EVC2: variants seen among roughly 807,000 people sequenced by gnomAD.
EVC2 encodes EvC ciliary complex subunit 2, also known as limbin.
Under a neutral mutation model 149.3 loss-of-function variants are expected in EVC2, and 148 were observed. The ratio of observed to expected loss-of-function variants is 0.99; its 90% CI spans 0.87 to 1.14. The LOEUF is 1.14. Among genes scored for constraint, EVC2 ranks in the 50% most tolerant of loss-of-function variants. The probability of loss-of-function intolerance (pLI) is 0.00; values close to 1 mark genes in which losing one functional copy is unlikely to be tolerated. For missense variants in EVC2, 1,854 were observed against 1,627.3 expected, an observed-to-expected ratio of 1.14 and a Z score of -2.40; for synonymous variants, 776 against 649.9, an observed-to-expected ratio of 1.19 and a Z score of -2.95.
chr4:5,599,257 A>C (rs904948084), intron 16 of EVC2, among the ~76,000 whole-genome samples: 175 of 151,446 alleles, frequency 1.2e-3, no homozygotes, highest in Non-Finnish European at 4.3e-4. Context: ...TGCTGCTATA[A>C]AGACACATGC....
At chr4:5,654,101 C>G (rs996343387) in intron 9 of EVC2, among the ~76,000 whole-genome samples, 3 of 152,182 alleles carry the variant, frequency 2.0e-5, no homozygotes, top group Non-Finnish European at 4.4e-5. Context: ...GTAATCCCAG[C>G]TACTCAGGAG....
chr4:5,632,855 T>C (rs1052054004), intron 10 of EVC2, among the ~76,000 whole-genome samples: 1 of 152,034 alleles, frequency 6.6e-6, no homozygotes, highest in Non-Finnish European at 1.5e-5. Flanking sequence ...TCCACATGGG[T>C]AGGCGGGATT....
chr4:5,680,625 G>T (rs1417190377), intron 7 of EVC2, among the ~76,000 whole-genome samples: 1 of 152,190 alleles, frequency 6.6e-6, no homozygotes, highest in African/African-American at 2.4e-5. Flanking sequence ...CAAATCACTT[G>T]ACTTTAATGT....
At position 5,618,584 on chromosome 4, in the gene EVC2, G is replaced by T; in HGVS notation, c.2600C>A (p.Ala867Asp). The T allele has an allele frequency of 6.2e-7, 1 of 1,613,998 alleles. No homozygotes were observed. Among genetic ancestry groups the T allele is most frequent in the Non-Finnish European group, 8.5e-7 (1 of 1,179,990 alleles). ...GCFAQMDRSLALPKIRARVLL... is the reference protein window; with the variant it reads ...GCFAQMDRSLDLPKIRARVLL... ...AACTCGGGCCCGGATCTTGGGGAGG[G>T]CCAAGCTCCTGTCCATCTGAGCAAA... is the stretch of plus-strand genomic sequence containing the variant. Residue 867 changes from alanine to aspartate, a missense_variant, in exon 15 of 22, where the codon GCC (alanine) becomes GAC (aspartate). Transcript: ENST00000344408. The surrounding 1 kb of genome is among the most constrained non-coding windows in gnomAD (Gnocchi z 4.4).
At chr4:5,535,380 G>C in the EVC2 span, among the ~76,000 whole-genome samples, 1 of 152,126 alleles carries the variant, frequency 6.6e-6, no homozygotes, top group Non-Finnish European at 1.5e-5. This position sits in a 1 kb window ranked among gnomAD's most constrained non-coding sequence, Gnocchi z 4.7. Context: ...GATTCGTGAG[G>C]CCCAACTCAC....
intron 6 of EVC2, among the ~76,000 whole-genome samples, chr4:5,681,611 G>A (rs1720350917): frequency 6.6e-6 from 1 of 152,204 alleles, no homozygotes; most frequent in African/African-American, 2.4e-5. Flanking sequence ...CTCCAAGCCT[G>A]TGACCAAGGC....
intron 8 of EVC2, among the ~76,000 whole-genome samples, chr4:5,664,341 G>C (rs1719112664): frequency 6.6e-6 from 1 of 152,176 alleles, no homozygotes; most frequent in African/African-American, 2.4e-5. Context: ...AATGTGAGAA[G>C]AGTTCATTCT....
At chr4:5,595,374 C>G (rs1268148598) in intron 16 of EVC2, among the ~76,000 whole-genome samples, 4 of 152,198 alleles carry the variant, frequency 2.6e-5, no homozygotes, top group Non-Finnish European at 5.9e-5. Context: ...GATCGCTAGG[C>G]AGAAACTCTA....
At chr4:5,668,621 A>G (rs1719430768) in intron 7 of EVC2, among the ~76,000 whole-genome samples, 1 of 152,258 alleles carries the variant, frequency 6.6e-6, no homozygotes, top group Admixed American at 6.5e-5. Flanking sequence ...TGGAAAGGAA[A>G]CTAAAAAAAA....
At chr4:5,638,388 CA>C (rs1310961831) in intron 10 of EVC2, among the ~76,000 whole-genome samples, 65 of 119,706 alleles carry the variant, frequency 5.4e-4, no homozygotes, top group African/African-American at 1.9e-3. Context: ...GACTCTATCT[CA>C]AAAAACAAAA....
intron 21 of EVC2, among the ~76,000 whole-genome samples, chr4:5,551,267 G>T (rs1721731981): frequency 6.6e-6 from 1 of 152,230 alleles, no homozygotes; most frequent in Non-Finnish European, 1.5e-5. Flanking sequence ...GCAGCCAGGA[G>T]GGGGGCTGTG....
chr4:5,608,648 C>T (rs1015674074), intron 16 of EVC2, among the ~76,000 whole-genome samples: 45 of 152,274 alleles, frequency 3.0e-4, no homozygotes, highest in African/African-American at 1.1e-3. Context: ...ATTCTCCTGC[C>T]TCAGTCTCCC....
At chr4:5,706,532 C>T (rs1418911024) in intron 1 of EVC2, among the ~76,000 whole-genome samples, 1 of 151,370 alleles carries the variant, frequency 6.6e-6, no homozygotes, top group African/African-American at 2.4e-5. Flanking sequence ...ATGAAGGCAT[C>T]ATATAATTAC....
At chr4:5,706,854 A>G (rs748427268) in intron 1 of EVC2, among the ~76,000 whole-genome samples, 24 of 152,112 alleles carry the variant, frequency 1.6e-4, no homozygotes, top group Non-Finnish European at 3.1e-4. Context: ...GCTCATTCCC[A>G]GATTCCTGCA....
Position 5,592,747 on chromosome 4 carries a change from G to A in EVC2, c.2830-7897C>T, listed in dbSNP as rs544072872. ...ACTGGTAAGGAAGAAAGCCTCAAGTGAGCATGTGCACAACTTCTGTAAAAA... is the reference window on the plus strand; with the variant it reads ...ACTGGTAAGGAAGAAAGCCTCAAGTAAGCATGTGCACAACTTCTGTAAAAA... On this transcript the variant is annotated intron_variant, in intron 16 of 21. Transcript: ENST00000344408. Among the ~76,000 whole-genome samples, 14 of 152,300 alleles carry A rather than the reference G, an allele frequency of 9.2e-5. No homozygotes were observed. In the South Asian group the frequency reaches 2.9e-3, roughly 32 times the overall value.
downstream of EVC2, among the ~76,000 whole-genome samples, chr4:5,560,947 C>T (rs535589517): frequency 1.3e-5 from 2 of 152,080 alleles, no homozygotes; most frequent in African/African-American, 4.8e-5. The surrounding 1 kb of genome is among the most constrained non-coding windows in gnomAD (Gnocchi z 4.1). Flanking sequence ...AGTGAGTTTA[C>T]AAAAGGTAAA....
At chr4:5,678,077 C>A (rs1720108195) in intron 7 of EVC2, among the ~76,000 whole-genome samples, 1 of 152,220 alleles carries the variant, frequency 6.6e-6, no homozygotes, top group African/African-American at 2.4e-5. Flanking sequence ...CCTCTGAAAG[C>A]CCTTCCTGTA....
Position 5,679,220 on chromosome 4 carries a change from C to T in EVC2, c.870+2040G>A, listed in dbSNP as rs1200675389. 1.3e-5 allele frequency among the ~76,000 whole-genome samples: 2 copies of T among 151,936 alleles called. No homozygotes were observed. The highest frequency in any genetic ancestry group is 2.9e-5 in the Non-Finnish European group (2 of 67,980). ...GACTATAGACTTTAGAAACACTGTACCCTTAGGCTACACTACATTTATTTA... is the reference window on the plus strand; with the variant it reads ...GACTATAGACTTTAGAAACACTGTATCCTTAGGCTACACTACATTTATTTA... On this transcript the variant is annotated intron_variant, in intron 7 of 21. Transcript: ENST00000344408. The surrounding 1 kb of genome is among the most constrained non-coding windows in gnomAD (Gnocchi z 5.1).
In EVC2 at chr4:5,689,350, CAGA is replaced by C. The variant is rs1465181516; in HGVS notation, c.520-10_520-8del. On this transcript the variant is annotated splice_polypyrimidine_tract_variant and splice_region_variant and intron_variant, in intron 4 of 21. Coordinates refer to ENST00000344408, the MANE Select transcript of EVC2 (RefSeq NM_147127.5). ...CTTCACTCGACCCAGACACCTAGGG[CAGA>C]AGGAGAAGGCATGAGGGCAGATTTG... The C allele has an allele frequency of 3.1e-6, 5 of 1,613,788 alleles. No homozygotes were observed. The highest frequency in any genetic ancestry group is 4.2e-6 in the Non-Finnish European group (5 of 1,180,024).
Sources: gnomAD v4.1 joint callset for allele counts (sites outside exome capture counted in the v4.1 genomes callset) on GRCh38, gnomAD v4.1.1 for gene constraint, Gnocchi (gnomAD v3.1) non-coding constraint, MANE v1.5 for transcripts, NCBI Gene and HGNC (gene_info 2026-07-23, HGNC 2026-07-21) for gene names.